TAS1R2: variants seen among roughly 807,000 people sequenced by gnomAD.
TAS1R2 encodes the protein taste receptor type 1 member 2.
A neutral mutation model predicts 49.3 loss-of-function variants in TAS1R2; 47 were observed. That is an observed-to-expected ratio of 0.95 (90% confidence interval 0.75 to 1.22). The LOEUF is 1.22. Among genes scored for constraint, TAS1R2 ranks in the 50% most tolerant of loss-of-function variants. The pLI, the probability that TAS1R2 is intolerant of heterozygous loss-of-function variation, is 0.00. For missense variants in TAS1R2, 1,155 were observed against 1,122.1 expected, an observed-to-expected ratio of 1.03 and a Z score of -0.42; for synonymous variants, 479 against 467.9, an observed-to-expected ratio of 1.02 and a Z score of -0.31.
chr1:18,846,427 C>CT (rs1378006055), intron 4 of TAS1R2, among the ~76,000 whole-genome samples: 2 of 152,220 alleles, frequency 1.3e-5, no homozygotes, highest in Non-Finnish European at 2.9e-5. Flanking sequence ...CTGTGGAACT[C>CT]TCCCCAGTCT....
rs555824620 is a variant in TAS1R2 at position 18,858,836 on chromosome 1, C to T, written c.182+643G>A. On this transcript the variant is annotated intron_variant, in intron 1 of 5. Transcript: ENST00000375371. ...AATGATGCATTTCTCATACTCAACC[C>T]TTAATCATCTTTTGCACTGTTCTTC... 6.6e-5 allele frequency among the ~76,000 whole-genome samples: 10 copies of T among 152,312 alleles called. No individual in the cohort carries two copies. In the South Asian group the frequency reaches 1.9e-3, roughly 28 times the overall value.
At chr1:18,840,982 C>G (rs1360322980) in intron 5 of TAS1R2, among the ~76,000 whole-genome samples, 1 of 152,206 alleles carries the variant, frequency 6.6e-6, no homozygotes, top group Non-Finnish European at 1.5e-5. Flanking sequence ...GCCCTCACCT[C>G]GCCGCTATTG....
intron 2 of TAS1R2, among the ~76,000 whole-genome samples, chr1:18,856,775 C>T (rs746043978): frequency 2.4e-4 from 36 of 152,182 alleles, no homozygotes; most frequent in Non-Finnish European, 4.1e-4. Context: ...ATAGCCTGTA[C>T]CAGTACTGCA....
rs199960202 is a variant in TAS1R2 at position 18,857,508 on chromosome 1, G to T, written c.306C>A (p.Cys102Ter). 5.5e-5 allele frequency: 88 copies of T among 1,614,192 alleles called. No homozygotes were observed. In the Admixed American group the frequency reaches 1.5e-3, roughly 27 times the overall value. The change falls in exon 2 of 6, where the codon TGC becomes TGA. Residue 102 changes from cysteine to a stop codon, truncating the protein, a stop_gained. Transcript: ENST00000375371. LOFTEE classifies it high-confidence loss of function. Reference sequence around the variant, plus strand: ...CCGGCTGGACATTGTTGGAGATGTAGCACACATCCACGATCTCATAGCCCA... The same window carrying T: ...CCGGCTGGACATTGTTGGAGATGTATCACACATCCACGATCTCATAGCCCA...
chr1:18,848,691 T>C (rs1933966063), intron 4 of TAS1R2, among the ~76,000 whole-genome samples: 3 of 152,072 alleles, frequency 2.0e-5, no homozygotes. Context: ...CGCATTAGAT[T>C]CTCATAGGAG....
chr1:18,842,515 G>T (rs1235762711), intron 4 of TAS1R2, among the ~76,000 whole-genome samples: 1 of 152,188 alleles, frequency 6.6e-6, no homozygotes, highest in Non-Finnish European at 1.5e-5. Flanking sequence ...TAACAGGTAT[G>T]TTCCCCAACA....
At chr1:18,841,734 G>A (rs1203760698) in exon 5 of TAS1R2, 1 of 1,613,550 alleles carries the variant, frequency 6.2e-7, no homozygotes, top group Admixed American at 1.7e-5. Flanking sequence ...CATACCTTCA[G>A]TGTGGTTGAG....
Position 18,854,516 on chromosome 1 carries a change from G to C in TAS1R2, c.954C>G (p.His318Gln). 6.2e-7 allele frequency: 1 copy of C among 1,614,044 alleles called. No homozygotes were observed. Among genetic ancestry groups the C allele is most frequent in the Non-Finnish European group, 8.5e-7 (1 of 1,180,000 alleles). The change falls in exon 3 of 6, where the codon CAC (histidine) becomes CAG (glutamine). Residue 318 changes from histidine to glutamine, a missense_variant. Coordinates refer to ENST00000375371, the Ensembl canonical transcript of TAS1R2. This position sits in a 1 kb window ranked among gnomAD's most constrained non-coding sequence, Gnocchi z 4.9. ...TGGTGATGCCCAGGAAGGTGCCCAA[G>C]TGGCGCAGCTCCGTGAGGTTGTGCA...
rs1444202779 is a variant in TAS1R2 at position 18,854,772 on chromosome 1, C to A, written c.698G>T (p.Cys233Phe). Residue 233 changes from cysteine to phenylalanine, a missense_variant, in exon 3 of 6, where the codon TGC becomes TTC. Physicochemically the swap from Cys to Phe is radical, Grantham distance 205. Transcript: ENST00000375371. This position sits in a 1 kb window ranked among gnomAD's most constrained non-coding sequence, Gnocchi z 4.9. ...GGGCAGCGTCTCCTGGAAGGCGATG[C>A]AGATGTCGCGCCGGGCCACGCGCTC... is the stretch of plus-strand genomic sequence containing the variant. 1 of 1,608,102 alleles carries A rather than the reference C, an allele frequency of 6.2e-7. No individual in the cohort carries two copies.
Position 18,854,899 on chromosome 1 carries a change from T to C in TAS1R2, c.571A>G (p.Ile191Val), listed in dbSNP as rs35874116. 511,991 of 1,612,726 alleles carry C rather than the reference T, an allele frequency of 0.32. 83,033 individuals carry two copies. The highest frequency in any genetic ancestry group is 0.33 in the Non-Finnish European group (390,826 of 1,179,536). ...AGCATCAGCTGCACCATGGCCTCGA[T>C]GTGGTGGTCGGCGCTGGGTGTGGTA... The change falls in exon 3 of 6, where the codon ATC becomes GTC. Residue 191 changes from isoleucine (I) to valine (V), a missense_variant. Transcript: ENST00000375371. This position sits in a 1 kb window ranked among gnomAD's most constrained non-coding sequence, Gnocchi z 4.9.
chr1:18,845,368 G>C (rs1933900500), intron 4 of TAS1R2, among the ~76,000 whole-genome samples: 1 of 152,210 alleles, frequency 6.6e-6, no homozygotes, highest in Admixed American at 6.5e-5. Context: ...AGTTTTGAAT[G>C]AATGGCTTGT....
In TAS1R2 at chr1:18,849,382, T is replaced by G. The variant is rs547302644; in HGVS notation, c.1426A>C (p.Lys476Gln). Residue 476 changes from lysine to glutamine, a missense_variant, in exon 4 of 6, where the codon AAG becomes CAG. By Grantham distance (53) the Lys-to-Gln change is moderately conservative. Coordinates refer to ENST00000375371, the Ensembl canonical transcript of TAS1R2. ...TGCCAGGAGATGTCTTGGATGTTCT[T>G]CAGCTGTCGCTGCAGGGGGTAGTAG... 254 of 1,614,188 alleles carry G rather than the reference T, an allele frequency of 1.6e-4. 4 individuals carry two copies. In the South Asian group the frequency reaches 2.6e-3, roughly 17 times the overall value.
intron 4 of TAS1R2, among the ~76,000 whole-genome samples, chr1:18,847,119 T>C (rs1933935640): frequency 6.6e-6 from 1 of 152,184 alleles, no homozygotes; most frequent in South Asian, 2.1e-4. Context: ...AGTATGCCCA[T>C]GCAACCTCTT....
chr1:18,855,373 G>A (rs999294934), intron 2 of TAS1R2, among the ~76,000 whole-genome samples: 3 of 152,208 alleles, frequency 2.0e-5, no homozygotes, highest in South Asian at 2.1e-4. Context: ...TAAGCACAGC[G>A]CTTTCCTCCT....
chr1:18,849,178 G>A (rs1933975262), intron 4 of TAS1R2, 163 bp downstream of exon 4: 2 of 759,262 alleles, frequency 2.6e-6, no homozygotes, highest in South Asian at 1.9e-5. Flanking sequence ...CAATCAATGG[G>A]GGAAGGAAAG....
intron 2 of TAS1R2, 98 bp from the exon 3 acceptor site, chr1:18,855,084 G>C (rs1037038395): frequency 1.5e-5 from 22 of 1,465,276 alleles, no homozygotes; most frequent in South Asian, 2.7e-5. Flanking sequence ...GAAGCACCTA[G>C]TGCAAGCCAC....
At position 18,844,868 on chromosome 1, in the gene TAS1R2, A is replaced by T. The variant is rs148133032; in HGVS notation, c.1468-3016T>A. 1.4e-3 allele frequency among the ~76,000 whole-genome samples: 220 copies of T among 152,324 alleles called. 3 individuals are homozygous for T. The highest frequency in any genetic ancestry group is 4.9e-3 in the African/African-American group (205 of 41,572). On this transcript the variant is annotated intron_variant, in intron 4 of 5. Coordinates refer to ENST00000375371, the Ensembl canonical transcript of TAS1R2. ...AGAGTGGCCATGATGTCAGGGATGGAGGCTACAGATATGAACCCAACAGCT... is the reference window on the plus strand; with the variant it reads ...AGAGTGGCCATGATGTCAGGGATGGTGGCTACAGATATGAACCCAACAGCT...
rs1287028208 is a variant in TAS1R2 at position 18,854,154 on chromosome 1, GA to G, written c.1257+58del. 3.2e-5 allele frequency: 49 copies of G among 1,536,974 alleles called. No individual in the cohort carries two copies. The highest frequency in any genetic ancestry group is 4.2e-5 in the Non-Finnish European group (48 of 1,130,656). The stretch of plus-strand genomic sequence containing the variant: ...ATGCCCTTTCACACCCATTTGCCCA[GA>G]ACCCCAGGGGAGGAGGATGGAGGTG... On this transcript the variant is annotated intron_variant, in intron 3 of 5. Coordinates refer to ENST00000375371, the Ensembl canonical transcript of TAS1R2. The surrounding 1 kb of genome is among the most constrained non-coding windows in gnomAD (Gnocchi z 4.9).
chr1:18,851,848 A>G (rs1266454796), intron 3 of TAS1R2, among the ~76,000 whole-genome samples: 3 of 151,720 alleles, frequency 2.0e-5, no homozygotes, highest in African/African-American at 7.3e-5. Flanking sequence ...ACCATCCCTT[A>G]CCACCACCCC....
Sources: gnomAD v4.1 joint callset for allele counts (sites outside exome capture counted in the v4.1 genomes callset) on GRCh38, gnomAD v4.1.1 for gene constraint, Gnocchi (gnomAD v3.1) non-coding constraint, MANE v1.5 for transcripts, NCBI Gene and HGNC (gene_info 2026-07-23, HGNC 2026-07-21) for gene names.